The following SCAPER variants were observed in gnomAD, a reference collection of about 807,000 sequenced individuals.
The protein encoded by SCAPER is S phase cyclin A-associated protein in the endoplasmic reticulum.
Under a neutral mutation model 182.2 loss-of-function variants are expected in SCAPER, and 98 were observed. The ratio of observed to expected loss-of-function variants is 0.54; its 90% CI spans 0.46 to 0.64. The LOEUF (loss-of-function observed/expected upper bound fraction) is 0.64. Ranked by LOEUF, SCAPER falls within the 30% of genes least tolerant of loss-of-function variation. The probability of loss-of-function intolerance (pLI) is 0.00; values close to 1 mark genes in which losing one functional copy is unlikely to be tolerated. For synonymous variants in SCAPER, 605 were observed against 564.6 expected (o/e 1.07, Z -1.01); for missense variants, 1,432 against 1,690.0 (o/e 0.85, Z 2.68).
In SCAPER at chr15:76,799,901, T is replaced by C. The variant is rs117509483; in HGVS notation, c.611+347A>G. 1.5e-3 allele frequency among the ~76,000 whole-genome samples: 223 copies of C among 152,214 alleles called. 4 individuals are homozygous for C. The East Asian group carries it at 0.042, about 28-fold the overall frequency. On this transcript the variant is annotated intron_variant, in intron 7 of 31. Coordinates refer to ENST00000563290, the MANE Select transcript of SCAPER (RefSeq NM_020843.4). ...CAGGGAACTATCTTGCCATGGATCC[T>C]AGGCTTCTGTTGATCCTTGCTGCCT...
chr15:76,742,838 T>C (rs948008976), intron 15 of SCAPER, among the ~76,000 whole-genome samples: 6 of 152,086 alleles, frequency 3.9e-5, no homozygotes, highest in Non-Finnish European at 7.4e-5. Flanking sequence ...AGTACACTTA[T>C]AGTAAAATTT....
intron 24 of SCAPER, among the ~76,000 whole-genome samples, chr15:76,488,792 C>A (rs997494382): frequency 4.7e-5 from 6 of 128,980 alleles, no homozygotes; most frequent in Non-Finnish European, 7.7e-5. Context: ...GTGGTGGGAT[C>A]TTGGTTCACT....
intron 26 of SCAPER, among the ~76,000 whole-genome samples, chr15:76,422,479 GACTTTGCTGAAGTT>G (rs1262687056): frequency 6.6e-6 from 1 of 152,184 alleles, no homozygotes; most frequent in Non-Finnish European, 1.5e-5. Flanking sequence ...TGTATCCTGA[GACTTTGCTGAAGTT>G]ACTTATCAGC....
chr15:76,679,448 T>C (rs1361487728), intron 20 of SCAPER, among the ~76,000 whole-genome samples: 1 of 152,234 alleles, frequency 6.6e-6, no homozygotes, highest in Non-Finnish European at 1.5e-5. Flanking sequence ...TATTTATGCA[T>C]CATTTGTGAC....
intron 23 of SCAPER, among the ~76,000 whole-genome samples, chr15:76,546,319 T>C (rs1266961780): frequency 6.6e-6 from 1 of 152,142 alleles, no homozygotes; most frequent in African/African-American, 2.4e-5. Context: ...AAAGATAATA[T>C]AACCAAAATC....
chr15:76,628,237 TTGCTC>T (rs531842335), intron 21 of SCAPER, among the ~76,000 whole-genome samples: 197 of 152,306 alleles, frequency 1.3e-3, no homozygotes, highest in African/African-American at 4.5e-3. Context: ...GGTTGCCTGT[TTGCTC>T]TGATAGTTTC....
chr15:76,635,981 C>A (rs1443110), intron 21 of SCAPER, among the ~76,000 whole-genome samples: 4 of 152,074 alleles, frequency 2.6e-5, no homozygotes, highest in Non-Finnish European at 5.9e-5. Context: ...GAATACTGCA[C>A]CTATATTCAT....
chr15:76,423,788 T>C (rs972947183), intron 26 of SCAPER, among the ~76,000 whole-genome samples: 10 of 152,362 alleles, frequency 6.6e-5, no homozygotes, highest in African/African-American at 2.4e-4. Flanking sequence ...CACACTGCTT[T>C]AAATGTGTCC....
intron 2 of SCAPER, among the ~76,000 whole-genome samples, chr15:76,876,738 C>T (rs1044245739): frequency 6.6e-6 from 1 of 152,072 alleles, no homozygotes; most frequent in African/African-American, 2.4e-5. Flanking sequence ...TAGCAAACTA[C>T]AGCAAACATC....
At chr15:76,800,998 T>C (rs893423773) in intron 6 of SCAPER, among the ~76,000 whole-genome samples, 10 of 152,252 alleles carry the variant, frequency 6.6e-5, no homozygotes, top group African/African-American at 1.7e-4. Flanking sequence ...TGGGTATCCC[T>C]GTGTCTTACT....
At chr15:76,650,643 A>T (rs1251753328) in intron 21 of SCAPER, among the ~76,000 whole-genome samples, 3 of 152,162 alleles carry the variant, frequency 2.0e-5, no homozygotes, top group African/African-American at 7.2e-5. Context: ...CAGATAGAAC[A>T]TTACAGAATA....
In SCAPER at chr15:76,774,872, G is replaced by C. The variant is rs776404297; in HGVS notation, c.1018C>G (p.Leu340Val). The C allele has an allele frequency of 6.2e-6, 10 of 1,609,724 alleles. No homozygotes were observed. In the Admixed American group the frequency reaches 1.5e-4, roughly 25 times the overall value. The part of the protein sequence containing the change: ...KDSLHSCDHP[L>V]AEKTQFTVST... The stretch of plus-strand genomic sequence containing the variant: ...TGTACTACCTGGGTTTTTTCGGCAA[G>C]AGGATGGTCACAAGAGTGTAATGAG... The change falls in exon 9 of 32, where the codon CTT (leucine) becomes GTT (valine). Residue 340 changes from leucine to valine, a missense_variant. Leu to Val is a conservative substitution (Grantham distance 32). Transcript: ENST00000563290.
intron 6 of SCAPER, among the ~76,000 whole-genome samples, chr15:76,802,789 C>G (rs1233155183): frequency 6.6e-6 from 1 of 152,116 alleles, no homozygotes; most frequent in East Asian, 1.9e-4. Flanking sequence ...GCAGGATAGG[C>G]CTATTTGCTT....
chr15:76,448,021 T>A (rs1467250794), intron 25 of SCAPER, among the ~76,000 whole-genome samples: 3 of 152,044 alleles, frequency 2.0e-5, no homozygotes, highest in Admixed American at 2.0e-4. Context: ...GGAAACAGCA[T>A]GAAAGAAGAC....
intron 13 of SCAPER, 117 bp downstream of exon 13, chr15:76,765,220 C>A: frequency 9.8e-7 from 1 of 1,023,594 alleles, no homozygotes; most frequent in Non-Finnish European, 1.4e-6. Flanking sequence ...TTCAATGGAT[C>A]TGAAACTGTC....
intron 23 of SCAPER, among the ~76,000 whole-genome samples, chr15:76,562,382 T>C (rs759285986): frequency 7.2e-5 from 11 of 152,172 alleles, no homozygotes; most frequent in Admixed American, 1.3e-4. Flanking sequence ...GGAGTAGATA[T>C]GTTTAATACA....
intron 26 of SCAPER, among the ~76,000 whole-genome samples, chr15:76,416,881 C>A (rs2045685918): frequency 6.6e-6 from 1 of 152,074 alleles, no homozygotes; most frequent in African/African-American, 2.4e-5. Flanking sequence ...TTGCAAGTTT[C>A]TACTGACTTG....
In SCAPER at chr15:76,772,289, A is replaced by G. The variant is rs1427163852; in HGVS notation, c.1036-335T>C. Among the ~76,000 whole-genome samples the G allele has an allele frequency of 2.6e-5, 4 of 152,010 alleles. No individual in the cohort carries two copies. In the East Asian group the frequency reaches 7.7e-4, roughly 29 times the overall value. ...CAAATGAAATCTAGTCACAAGTATG[A>G]GGCATTCATTCACTGTATTATACTC... On this transcript the variant is annotated intron_variant, in intron 9 of 31. Coordinates refer to ENST00000563290, the MANE Select transcript of SCAPER (RefSeq NM_020843.4).
At chr15:76,545,831 C>G (rs984979777) in intron 23 of SCAPER, among the ~76,000 whole-genome samples, 1 of 152,040 alleles carries the variant, frequency 6.6e-6, no homozygotes, top group Non-Finnish European at 1.5e-5. Flanking sequence ...GAGAAATTAA[C>G]TATAGAAATT....
Sources: allele counts gnomAD v4.1 joint callset (sites outside exome capture counted in the v4.1 genomes callset), GRCh38; gene constraint gnomAD v4.1.1; transcripts MANE v1.5; gene names NCBI Gene and HGNC (gene_info 2026-07-23, HGNC 2026-07-21).